LRRC4C: variants seen among roughly 807,000 people sequenced by gnomAD.
LRRC4C encodes the protein leucine-rich repeat-containing protein 4C.
A neutral mutation model predicts 33.6 loss-of-function variants in LRRC4C; 5 were observed. The observed-to-expected ratio is 0.15, with a 90% CI of 0.08 to 0.31. The LOEUF (loss-of-function observed/expected upper bound fraction) is 0.31. LRRC4C is among the 10% of genes least tolerant of loss of function. The pLI is 1.00. For synonymous variants in LRRC4C, 329 were observed against 302.0 expected (o/e 1.09, Z -0.93); for missense variants, 560 against 796.7 (o/e 0.70, Z 3.58).
At chr11:40,421,005 T>A (rs941458661) in intron 3 of LRRC4C, among the ~76,000 whole-genome samples, 8 of 152,216 alleles carry the variant, frequency 5.3e-5, no homozygotes, top group African/African-American at 1.9e-4. Context: ...GCCATTTAGT[T>A]CTCATAAGTA....
chr11:40,346,850 A>C (rs1278872402), intron 3 of LRRC4C, among the ~76,000 whole-genome samples: 1 of 152,206 alleles, frequency 6.6e-6, no homozygotes, highest in Non-Finnish European at 1.5e-5. Context: ...TGAGTTTAAA[A>C]TATTCAGCAA....
chr11:40,122,540 C>T (rs1349770699), intron 6 of LRRC4C, among the ~76,000 whole-genome samples: 2 of 152,040 alleles, frequency 1.3e-5, no homozygotes, highest in East Asian at 1.9e-4. Flanking sequence ...AGTCAAACTT[C>T]GAATTCTTAA....
At chr11:41,348,096 C>T (rs1006411473) in intron 1 of LRRC4C, among the ~76,000 whole-genome samples, 6 of 152,168 alleles carry the variant, frequency 3.9e-5, no homozygotes, top group Admixed American at 3.9e-4. Context: ...TAACTCTTAT[C>T]TCTCTTGAAT....
intron 2 of LRRC4C, among the ~76,000 whole-genome samples, chr11:40,927,142 G>GAGGCGGGTGGACCATGAGGTC: frequency 6.6e-6 from 1 of 152,296 alleles, no homozygotes; most frequent in East Asian, 1.9e-4. Flanking sequence ...TTGGGAGGCT[G>GAGGCGGGTGGACCATGAGGTC]AGGCGGGTGG....
intron 6 of LRRC4C, among the ~76,000 whole-genome samples, chr11:40,116,836 T>A (rs1246772710): frequency 6.6e-6 from 1 of 152,212 alleles, no homozygotes; most frequent in Non-Finnish European, 1.5e-5. Flanking sequence ...GGTTACATAA[T>A]TTGTGGTTCC....
At chr11:40,500,789 A>G (rs890351164) in intron 3 of LRRC4C, among the ~76,000 whole-genome samples, 36 of 152,222 alleles carry the variant, frequency 2.4e-4, no homozygotes, top group African/African-American at 8.2e-4. Flanking sequence ...TGCCCCTGCC[A>G]AATCTCATGT....
chr11:40,410,505 G>A (rs1052911776), intron 3 of LRRC4C, among the ~76,000 whole-genome samples: 2 of 151,496 alleles, frequency 1.3e-5, no homozygotes, highest in African/African-American at 4.9e-5. Context: ...GTCTTTTCAT[G>A]TTGTCAACTC....
At chr11:41,403,725 C>T (rs182447691) in intron 1 of LRRC4C, among the ~76,000 whole-genome samples, 3 of 151,994 alleles carry the variant, frequency 2.0e-5, no homozygotes, top group Admixed American at 1.3e-4. Context: ...ACACATAACA[C>T]GAGGGCTGAT....
At chr11:41,173,849 G>A (rs1945083129) in intron 1 of LRRC4C, among the ~76,000 whole-genome samples, 1 of 151,800 alleles carries the variant, frequency 6.6e-6, no homozygotes, top group Admixed American at 6.6e-5. Flanking sequence ...TTATGCCCGA[G>A]GACTTTTTAA....
intron 2 of LRRC4C, among the ~76,000 whole-genome samples, chr11:40,712,620 C>T (rs1946522912): frequency 6.6e-6 from 1 of 151,644 alleles, no homozygotes; most frequent in Admixed American, 6.6e-5. Flanking sequence ...AAAAATTTAC[C>T]AAGACAGTGT....
At chr11:40,971,892 C>G (rs1851750519) in intron 1 of LRRC4C, among the ~76,000 whole-genome samples, 1 of 152,186 alleles carries the variant, frequency 6.6e-6, no homozygotes, top group South Asian at 2.1e-4. Flanking sequence ...GACTCTCCTG[C>G]TGGTTTTCAG....
chr11:40,666,957 T>C (rs779907998), intron 2 of LRRC4C, among the ~76,000 whole-genome samples: 8 of 152,190 alleles, frequency 5.3e-5, no homozygotes, highest in Non-Finnish European at 8.8e-5. Flanking sequence ...GGAAATACCT[T>C]GAATTCAAAT....
intron 3 of LRRC4C, among the ~76,000 whole-genome samples, chr11:40,353,000 G>T (rs1035190228): frequency 3.6e-4 from 54 of 152,070 alleles, no homozygotes; most frequent in African/African-American, 1.3e-3. Flanking sequence ...CAGCTCTTGG[G>T]ATTGTTTCTT....
intron 1 of LRRC4C, among the ~76,000 whole-genome samples, chr11:41,127,983 G>A (rs1942829178): frequency 6.6e-6 from 1 of 152,056 alleles, no homozygotes; most frequent in Non-Finnish European, 1.5e-5. Context: ...ACTATTGGCT[G>A]GCCCTGAATC....
At chr11:40,770,323 T>C (rs1360750613) in intron 2 of LRRC4C, among the ~76,000 whole-genome samples, 1 of 152,086 alleles carries the variant, frequency 6.6e-6, no homozygotes, top group African/African-American at 2.4e-5. Flanking sequence ...AACCATCAGA[T>C]CTTGTGAGAA....
At chr11:41,452,812 C>T (rs1323321968) in intron 1 of LRRC4C, among the ~76,000 whole-genome samples, 1 of 152,012 alleles carries the variant, frequency 6.6e-6, no homozygotes, top group Non-Finnish European at 1.5e-5. Context: ...TATTCATGTG[C>T]TGGTAATAAT....
At chr11:41,295,485 G>A (rs891907547) in intron 1 of LRRC4C, among the ~76,000 whole-genome samples, 8 of 152,132 alleles carry the variant, frequency 5.3e-5, no homozygotes, top group African/African-American at 1.9e-4. Flanking sequence ...TTTAGATGAC[G>A]TGGTTTCCCC....
At chr11:40,116,639 A>G (rs1019128447) in intron 6 of LRRC4C, among the ~76,000 whole-genome samples, 1 of 152,180 alleles carries the variant, frequency 6.6e-6, no homozygotes, top group Non-Finnish European at 1.5e-5. Context: ...CATATAATAC[A>G]TACCCTACCA....
At chr11:40,687,715 C>CA (rs1945028951) in intron 2 of LRRC4C, among the ~76,000 whole-genome samples, 3 of 152,064 alleles carry the variant, frequency 2.0e-5, no homozygotes, top group African/African-American at 7.2e-5. Flanking sequence ...CTTATCAAGA[C>CA]AAAACCTGTC....
Sources: gnomAD v4.1 joint callset for allele counts (sites outside exome capture counted in the v4.1 genomes callset) on GRCh38, gnomAD v4.1.1 for gene constraint, MANE v1.5 for transcripts, NCBI Gene and HGNC (gene_info 2026-07-23, HGNC 2026-07-21) for gene names.